STX17: variants seen among roughly 807,000 people sequenced by gnomAD.
The protein encoded by STX17 is syntaxin-17.
In STX17, 29 loss-of-function variants were observed where a neutral mutation model predicts 35.9. The ratio of observed to expected loss-of-function variants is 0.81; its 90% CI spans 0.60 to 1.10. The LOEUF (loss-of-function observed/expected upper bound fraction) is 1.10. Among genes scored for constraint, STX17 ranks in the 50% least tolerant of loss-of-function variants. The pLI is 0.00. For missense variants in STX17, 312 were observed against 352.3 expected (o/e 0.89, Z 0.92); for synonymous variants, 92 against 118.3 (o/e 0.78, Z 1.44).
At chr9:99,931,311 G>GT (rs1169119470) in intron 3 of STX17, among the ~76,000 whole-genome samples, 2 of 126,372 alleles carry the variant, frequency 1.6e-5, no homozygotes, top group South Asian at 2.5e-4. Context: ...ACCTGGTTTT[G>GT]TTTTTTTGTT....
At chr9:99,948,400 A>G (rs1829525967) in intron 3 of STX17, among the ~76,000 whole-genome samples, 2 of 152,038 alleles carry the variant, frequency 1.3e-5, no homozygotes, top group Non-Finnish European at 2.9e-5. Flanking sequence ...AAATTTTTAA[A>G]TTACATATGT....
chr9:99,919,292 CG>C (rs1388916972), intron 2 of STX17, among the ~76,000 whole-genome samples: 1 of 152,086 alleles, frequency 6.6e-6, no homozygotes, highest in African/African-American at 2.4e-5. Context: ...TTTTTAGAGA[CG>C]AGGTCTCACC....
chr9:99,930,910 T>A (rs1431674610), intron 3 of STX17, among the ~76,000 whole-genome samples: 2 of 152,230 alleles, frequency 1.3e-5, no homozygotes. Flanking sequence ...GAAGGCTTTC[T>A]ATCTTCTTTG....
intron 2 of STX17, among the ~76,000 whole-genome samples, chr9:99,918,126 GTC>G (rs898276286): frequency 6.6e-6 from 1 of 151,922 alleles, no homozygotes; most frequent in Non-Finnish European, 1.5e-5. Flanking sequence ...TGCATTTGTT[GTC>G]TCTCTCTCTT....
At chr9:99,920,194 G>C (rs1828860987) in intron 2 of STX17, among the ~76,000 whole-genome samples, 1 of 152,180 alleles carries the variant, frequency 6.6e-6, no homozygotes, top group South Asian at 2.1e-4. Context: ...GTGAACAATA[G>C]ACATATCCTG....
At chr9:99,910,228 G>A (rs1023493364) in intron 1 of STX17, among the ~76,000 whole-genome samples, 5 of 149,062 alleles carry the variant, frequency 3.4e-5, no homozygotes, top group African/African-American at 7.4e-5. Context: ...GTGAGACTCC[G>A]TCTCAAAACA....
chr9:99,958,730 G>C (rs977150313), intron 4 of STX17, among the ~76,000 whole-genome samples: 1 of 152,122 alleles, frequency 6.6e-6, no homozygotes, highest in Non-Finnish European at 1.5e-5. Context: ...GCAGGTAGTA[G>C]GCATTTAATA....
intron 2 of STX17, among the ~76,000 whole-genome samples, chr9:99,918,590 C>T (rs957677346): frequency 3.3e-4 from 48 of 144,896 alleles, no homozygotes; most frequent in African/African-American, 1.2e-3. Flanking sequence ...TCTCTTTCTT[C>T]TGTTTCAGCA....
intron 3 of STX17, among the ~76,000 whole-genome samples, chr9:99,945,226 G>T (rs1376505613): frequency 2.0e-5 from 3 of 152,018 alleles, no homozygotes; most frequent in Admixed American, 6.6e-5. Flanking sequence ...TATGATTGTG[G>T]ATTTGTTTCA....
chr9:99,910,885 T>G (rs1421759474), intron 1 of STX17, among the ~76,000 whole-genome samples: 1 of 152,122 alleles, frequency 6.6e-6, no homozygotes, highest in African/African-American at 2.4e-5. Flanking sequence ...TTTTTCCCCC[T>G]TTTTATTTAG....
intron 1 of STX17, among the ~76,000 whole-genome samples, chr9:99,913,490 AT>A (rs1353086376): frequency 3.3e-5 from 5 of 152,080 alleles, no homozygotes; most frequent in African/African-American, 1.2e-4. Context: ...CTTGTTTTAT[AT>A]TCAGGCTGGC....
At chr9:99,939,465 A>G (rs1440533895) in intron 3 of STX17, among the ~76,000 whole-genome samples, 1 of 152,198 alleles carries the variant, frequency 6.6e-6, no homozygotes, top group Non-Finnish European at 1.5e-5. Flanking sequence ...AAGACACACT[A>G]TTATTTTGTA....
At chr9:99,913,144 A>G (rs1276908514) in intron 1 of STX17, among the ~76,000 whole-genome samples, 1 of 151,796 alleles carries the variant, frequency 6.6e-6, no homozygotes, top group Non-Finnish European at 1.5e-5. Flanking sequence ...ATGTTTTGCA[A>G]TTTCCCTTCC....
chr9:99,924,692 A>G (rs1366893923), intron 2 of STX17, among the ~76,000 whole-genome samples: 1 of 152,174 alleles, frequency 6.6e-6, no homozygotes, highest in East Asian at 1.9e-4. Flanking sequence ...GTAGACAATC[A>G]TGTAATCTGT....
chr9:99,927,600 A>G (rs907189266), intron 2 of STX17, among the ~76,000 whole-genome samples: 48 of 151,978 alleles, frequency 3.2e-4, no homozygotes, highest in African/African-American at 1.0e-3. Flanking sequence ...TCTGCCTCAC[A>G]AGTAGCTGGG....
intron 2 of STX17, among the ~76,000 whole-genome samples, chr9:99,919,270 T>C (rs1222640561): frequency 6.6e-6 from 1 of 152,156 alleles, no homozygotes; most frequent in Non-Finnish European, 1.5e-5. Flanking sequence ...GTACCTTCAG[T>C]TGCTTAGTCG....
intron 3 of STX17, among the ~76,000 whole-genome samples, chr9:99,935,329 C>CAAAAAAAAAAAAA (rs35032937): frequency 9.9e-6 from 1 of 101,198 alleles, no homozygotes; most frequent in Non-Finnish European, 2.0e-5. Context: ...CACTCCATCT[C>CAAAAAAAAAAAAA]AAAAAAAAAA....
rs758112556 is a variant in STX17 at position 99,968,657 on chromosome 9, A to C, written c.893A>C (p.Asp298Ala). ...SSCPDLPSQTDKKCS is the reference protein window; with the variant it reads ...SSCPDLPSQTAKKCS ...TGTCCAGATCTTCCCAGCCAAACTG[A>C]CAAGAAATGCAGTTAAAAACCAAAT... is the stretch of plus-strand genomic sequence containing the variant. The change falls in exon 8 of 8, where the codon GAC (aspartate) becomes GCC (alanine). Residue 298 changes from aspartate (D) to alanine (A), a missense_variant. Asp to Ala is a moderately radical substitution (Grantham distance 126). Transcript: ENST00000259400. 3 of 1,613,674 alleles carry C rather than the reference A, an allele frequency of 1.9e-6. No homozygotes were observed.
intron 3 of STX17, among the ~76,000 whole-genome samples, chr9:99,942,291 AT>A (rs1236881608): frequency 1.3e-5 from 2 of 152,070 alleles, no homozygotes; most frequent in South Asian, 2.1e-4. Flanking sequence ...GGTTGTTTGT[AT>A]TTTTTTATAT....
Sources: gnomAD v4.1 joint callset for allele counts (sites outside exome capture counted in the v4.1 genomes callset) on GRCh38, gnomAD v4.1.1 for gene constraint, MANE v1.5 for transcripts, NCBI Gene and HGNC (gene_info 2026-07-23, HGNC 2026-07-21) for gene names.